RXFP1: variants seen among roughly 807,000 people sequenced by gnomAD.
RXFP1 encodes the protein relaxin receptor 1.
RXFP1 carries 73 observed loss-of-function variants against 89.8 expected under a neutral mutation model. The observed-to-expected ratio is 0.81, with a 90% CI of 0.67 to 0.99. The LOEUF is 0.99. RXFP1 is among the 50% of genes least tolerant of loss of function. The pLI, the probability that RXFP1 is intolerant of heterozygous loss-of-function variation, is 0.00. For synonymous variants in RXFP1, 277 were observed against 305.5 expected (o/e 0.91, Z 0.97); for missense variants, 793 against 895.5 (o/e 0.89, Z 1.46).
At chr4:158,561,025 T>C (rs1460654003) in intron 1 of RXFP1, among the ~76,000 whole-genome samples, 2 of 152,262 alleles carry the variant, frequency 1.3e-5, no homozygotes, top group Admixed American at 1.3e-4. Flanking sequence ...GCATTTATTA[T>C]AGTAACAAAT....
At chr4:158,597,764 C>T (rs1297363774) in intron 3 of RXFP1, among the ~76,000 whole-genome samples, 1 of 152,166 alleles carries the variant, frequency 6.6e-6, no homozygotes, top group Non-Finnish European at 1.5e-5. Flanking sequence ...TTCTGCCCTT[C>T]CTACTTCATT....
At chr4:158,610,658 G>GA in intron 6 of RXFP1, 1 of 1,289,132 alleles carries the variant, frequency 7.8e-7, no homozygotes, top group Non-Finnish European at 1.0e-6. Context: ...GGATGGCTCT[G>GA]AAAAATGAAG....
intron 5 of RXFP1, among the ~76,000 whole-genome samples, chr4:158,606,360 T>C (rs1028213958): frequency 6.6e-6 from 1 of 152,234 alleles, no homozygotes; most frequent in Admixed American, 6.5e-5. Flanking sequence ...AATTAATTCC[T>C]GAATGACCAA....
intron 2 of RXFP1, 79 bp from the exon 3 acceptor site, chr4:158,593,322 A>G (rs1319309869): frequency 1.3e-6 from 1 of 790,972 alleles, no homozygotes; most frequent in Non-Finnish European, 2.1e-6. Flanking sequence ...GACTGTTTTA[A>G]AGAGAGGACC....
chr4:158,568,235 G>A (rs1254939897), intron 1 of RXFP1, among the ~76,000 whole-genome samples: 1 of 152,220 alleles, frequency 6.6e-6, no homozygotes, highest in Non-Finnish European at 1.5e-5. Context: ...GCGAGGGTCT[G>A]CGGCTTCATT....
At position 158,606,998 on chromosome 4, in the gene RXFP1, T is replaced by A. The variant is rs146455589; in HGVS notation, c.465-974T>A. The A allele has an allele frequency of 6.1e-6, 8 of 1,309,306 alleles. No individual in the cohort carries two copies. In the East Asian group the frequency reaches 2.0e-4, roughly 33 times the overall value. 81.1% of individuals were successfully genotyped at this position (1,309,306 alleles called of 1,614,324 possible). A position where few individuals can be genotyped will look rare whatever the true frequency, so the allele number is the denominator to read the frequency against. ...AACTGAATGTTCGCTCATATTGATT[T>A]CTTTCTTATTGCTCCTAAAAGTTAT... On this transcript the variant is annotated intron_variant, in intron 5 of 17. Coordinates refer to ENST00000307765, the MANE Select transcript of RXFP1 (RefSeq NM_021634.4).
At chr4:158,568,012 T>G (rs1012429161) in intron 1 of RXFP1, among the ~76,000 whole-genome samples, 11 of 152,172 alleles carry the variant, frequency 7.2e-5, no homozygotes, top group African/African-American at 2.2e-4. Context: ...GGTATAAAGC[T>G]TCACTCCTGA....
chr4:158,522,922 A>C (rs1741535292), intron 1 of RXFP1, among the ~76,000 whole-genome samples: 1 of 152,170 alleles, frequency 6.6e-6, no homozygotes, highest in Non-Finnish European at 1.5e-5. Flanking sequence ...CTATTAAGGA[A>C]TGTCTCAGGG....
intron 1 of RXFP1, among the ~76,000 whole-genome samples, chr4:158,540,973 G>C (rs1746464500): frequency 6.6e-6 from 1 of 152,114 alleles, no homozygotes; most frequent in Non-Finnish European, 1.5e-5. Context: ...CCGGCAAGTA[G>C]ATGTCATTAA....
chr4:158,563,274 A>C (rs769233770), intron 1 of RXFP1, among the ~76,000 whole-genome samples: 4 of 152,208 alleles, frequency 2.6e-5, no homozygotes, highest in Non-Finnish European at 4.4e-5. Flanking sequence ...TCTTCACCTT[A>C]AAATGATCTT....
Position 158,613,580 on chromosome 4 carries a change from T to A in RXFP1, c.680+1218T>A, listed in dbSNP as rs1205228204. On this transcript the variant is annotated intron_variant, in intron 8 of 17. Transcript: ENST00000307765. ...AGAAGCAACTCCTCATCTGTTCAAG[T>A]TTTATCATGAGATTGCAGCAATTCA... Among the ~76,000 whole-genome samples, 4 of 152,232 alleles carry A rather than the reference T, an allele frequency of 2.6e-5. No individual in the cohort carries two copies. In the South Asian group the frequency reaches 8.3e-4, roughly 31 times the overall value.
chr4:158,640,081 C>A (rs1022476442), intron 14 of RXFP1, among the ~76,000 whole-genome samples: 1 of 152,060 alleles, frequency 6.6e-6, no homozygotes, highest in Non-Finnish European at 1.5e-5. Context: ...GTTACAGCAG[C>A]CAAGTGGACT....
At chr4:158,527,569 ATATATATATG>A (rs1328039584) in intron 1 of RXFP1, among the ~76,000 whole-genome samples, 1 of 144,540 alleles carries the variant, frequency 6.9e-6, no homozygotes, top group Non-Finnish European at 1.5e-5. Context: ...AAAAAAATAT[ATATATATATG>A]TATATATATA....
chr4:158,568,723 C>G (rs1754378672), intron 1 of RXFP1, among the ~76,000 whole-genome samples: 1 of 152,156 alleles, frequency 6.6e-6, no homozygotes. Context: ...CTATGTCCTT[C>G]ATCAAACTAT....
At position 158,572,542 on chromosome 4, in the gene RXFP1, A is replaced by C. The variant is rs1028295842; in HGVS notation, c.50-156A>C. On this transcript the variant is annotated intron_variant, in intron 1 of 17. Transcript: ENST00000307765. ...GGAATCATGGAAAGAACGTCCTAAGAGGTGAAGGTTCCTAGAAAATAACTG... is the reference window on the plus strand; with the variant it reads ...GGAATCATGGAAAGAACGTCCTAAGCGGTGAAGGTTCCTAGAAAATAACTG... 5.9e-5 allele frequency among the ~76,000 whole-genome samples: 9 copies of C among 152,344 alleles called. No homozygotes were observed. In the East Asian group the frequency reaches 1.5e-3, roughly 26 times the overall value.
chr4:158,608,166 G>C (rs1440078629), intron 6 of RXFP1, 123 bp downstream of exon 6: 1 of 630,688 alleles, frequency 1.6e-6, no homozygotes, highest in East Asian at 2.9e-5. Flanking sequence ...ATGCTGAAGG[G>C]GCAGTAGAGC....
chr4:158,600,865 G>C (rs368731864), intron 4 of RXFP1, among the ~76,000 whole-genome samples: 16 of 151,908 alleles, frequency 1.1e-4, no homozygotes, highest in African/African-American at 3.6e-4. Context: ...TCTATTTTCA[G>C]AGAAAAAAAT....
intron 1 of RXFP1, among the ~76,000 whole-genome samples, chr4:158,567,464 A>G (rs189397162): frequency 3.2e-4 from 49 of 152,272 alleles, no homozygotes; most frequent in Middle Eastern, 3.4e-3. Flanking sequence ...AAACACACCA[A>G]TCAGCACCCT....
rs143872587 is a variant in RXFP1 at position 158,576,801 on chromosome 4, G to T, written c.187+3966G>T. ...TCAAAACCTCAAAGATGCCCAGTTG[G>T]CATGCTGCTGCTGTCCATGCAAAAA... On this transcript the variant is annotated intron_variant, in intron 2 of 17. Coordinates refer to ENST00000307765, the MANE Select transcript of RXFP1 (RefSeq NM_021634.4). Among the ~76,000 whole-genome samples, 148 of 152,246 alleles carry T rather than the reference G, an allele frequency of 9.7e-4. 1 individual carries two copies. The East Asian group carries it at 0.027, about 28-fold the overall frequency.
Sources: allele counts gnomAD v4.1 joint callset (sites outside exome capture counted in the v4.1 genomes callset), GRCh38; gene constraint gnomAD v4.1.1; transcripts MANE v1.5; gene names NCBI Gene and HGNC (gene_info 2026-07-23, HGNC 2026-07-21).